Variants in HADHA observed in about 807,000 individuals in gnomAD.
HADHA encodes trifunctional enzyme subunit alpha, mitochondrial.
HADHA carries 59 observed loss-of-function variants against 91.3 expected under a neutral mutation model. The ratio of observed to expected loss-of-function variants is 0.65; its 90% CI spans 0.52 to 0.80. HADHA has a LOEUF of 0.80. HADHA is among the 30% of genes least tolerant of loss of function. The pLI, the probability that HADHA is intolerant of heterozygous loss-of-function variation, is 0.00. For missense variants in HADHA, 800 were observed against 927.6 expected (o/e 0.86, Z 1.79); for synonymous variants, 320 against 338.9 (o/e 0.94, Z 0.61).
intron 7 of HADHA, among the ~76,000 whole-genome samples, chr2:26,223,494 A>G (rs1670420845): frequency 6.6e-6 from 1 of 152,190 alleles, no homozygotes; most frequent in Non-Finnish European, 1.5e-5. Flanking sequence ...GGCAAAGGGA[A>G]TATGAAAAGG....
At chr2:26,201,532 T>C (rs1296076432) in intron 12 of HADHA, among the ~76,000 whole-genome samples, 1 of 152,194 alleles carries the variant, frequency 6.6e-6, no homozygotes, top group African/African-American at 2.4e-5. Context: ...TTCAAAGACA[T>C]GTTAACTCCC....
At chr2:26,240,617 G>T (rs962970611) in intron 1 of HADHA, among the ~76,000 whole-genome samples, 1 of 152,078 alleles carries the variant, frequency 6.6e-6, no homozygotes, top group African/African-American at 2.4e-5. Context: ...AGCAAAAAAA[G>T]GAAATAGAGT....
intron 18 of HADHA, 129 bp from the exon 19 acceptor site, chr2:26,191,757 G>A: frequency 1.1e-6 from 1 of 912,542 alleles, no homozygotes; most frequent in Non-Finnish European, 1.8e-6. Context: ...CTGGCCCTCA[G>A]AGAAGATGCT....
chr2:26,214,681 T>G lies in HADHA; in HGVS notation c.800-120A>C. The G allele has an allele frequency of 1.4e-6, 1 of 705,060 alleles. No homozygotes were observed. The highest frequency in any genetic ancestry group is 2.6e-6 in the Non-Finnish European group (1 of 389,504). The allele number at this position is 705,060 out of a possible 1,614,324, so 43.7% of individuals were successfully genotyped here. A position where few individuals can be genotyped will look rare whatever the true frequency, so the allele number is the denominator to read the frequency against. On this transcript the variant is annotated intron_variant, in intron 8 of 19. Coordinates refer to ENST00000380649, the MANE Select transcript of HADHA (RefSeq NM_000182.5). The surrounding 1 kb of genome is among the most constrained non-coding windows in gnomAD (Gnocchi z 4.1). ...GCTATCTGCAAGAACTGCTCTTTAT[T>G]CTGATACACACAATATAAATTTCAA... is the stretch of plus-strand genomic sequence containing the variant.
chr2:26,213,160 A>G (rs1262507300), intron 9 of HADHA, among the ~76,000 whole-genome samples: 1 of 152,186 alleles, frequency 6.6e-6, no homozygotes, highest in African/African-American at 2.4e-5. Context: ...TGTCTAAACT[A>G]CTGTTGCTTG....
chr2:26,242,000 C>G (rs1670904533), intron 1 of HADHA, among the ~76,000 whole-genome samples: 1 of 151,902 alleles, frequency 6.6e-6, no homozygotes, highest in African/African-American at 2.4e-5. Flanking sequence ...CTCCTGGGTT[C>G]AAGCGATTCT....
Position 26,191,192 on chromosome 2 carries a change from A to C in HADHA, c.*58T>G, listed in dbSNP as rs977074807. On this transcript the variant is annotated 3_prime_UTR_variant, in exon 20 of 20. Transcript: ENST00000380649. Reference sequence around the variant, plus strand: ...AAATCTAGACACCACTCTGTTGGAGAACCAGCACTGCCGGCAGCTGGGGTT... The same window carrying C: ...AAATCTAGACACCACTCTGTTGGAGCACCAGCACTGCCGGCAGCTGGGGTT... 2.4e-4 allele frequency: 378 copies of C among 1,544,516 alleles called. No individual in the cohort carries two copies. The highest frequency in any genetic ancestry group is 3.1e-4 in the Non-Finnish European group (349 of 1,118,426).
rs1445171075 is a variant in HADHA at position 26,191,184 on chromosome 2, T to G, written c.*66A>C. The G allele has an allele frequency of 1.3e-6, 2 of 1,498,748 alleles. No homozygotes were observed. The highest frequency in any genetic ancestry group is 2.8e-5 in the African/African-American group (2 of 72,622). 92.8% of individuals were successfully genotyped at this position (1,498,748 alleles called of 1,614,324 possible). ...ACTCTGATAAATCTAGACACCACTC[T>G]GTTGGAGAACCAGCACTGCCGGCAG... is the stretch of plus-strand genomic sequence containing the variant. On this transcript the variant is annotated 3_prime_UTR_variant, in exon 20 of 20. Coordinates refer to ENST00000380649, the MANE Select transcript of HADHA (RefSeq NM_000182.5).
In HADHA at chr2:26,191,544, G is replaced by A; in HGVS notation, c.2085C>T (p.Ala695=). 6.2e-7 allele frequency: 1 copy of A among 1,614,142 alleles called. No individual in the cohort carries two copies. Among genetic ancestry groups the A allele is most frequent in the Non-Finnish European group, 8.5e-7 (1 of 1,180,008 alleles). The change falls in exon 19 of 20, where the codon GCC becomes GCT. Residue 695 remains alanine, a synonymous_variant. Transcript: ENST00000380649. ...AVMCLQEGIL[A]TPAEGDIGAV... The stretch of plus-strand genomic sequence containing the variant: ...CTCCGATGTCTCCCTCTGCAGGTGT[G>A]GCCAAGATCCCCTCTTGCAGGCACA...
chr2:26,227,410 G>A (rs977575693), intron 7 of HADHA, among the ~76,000 whole-genome samples: 9 of 152,048 alleles, frequency 5.9e-5, no homozygotes, highest in Non-Finnish European at 8.8e-5. Flanking sequence ...TACTTGGGAC[G>A]CTGAGGCAGG....
intron 17 of HADHA, 62 bp downstream of exon 17, chr2:26,193,515 T>C: frequency 7.3e-7 from 1 of 1,364,760 alleles, no homozygotes; most frequent in Non-Finnish European, 1.0e-6. Context: ...CTCTTTGGTC[T>C]CAGGAACTGC....
rs796315759 is a variant in HADHA at position 26,190,807 on chromosome 2, A to C, written c.*443T>G. The C allele has an allele frequency of 1.1e-5, 3 of 273,470 alleles. No homozygotes were observed. The highest frequency in any genetic ancestry group is 2.1e-5 in the Non-Finnish European group (3 of 140,564). 16.9% of individuals were successfully genotyped at this position (273,470 alleles called of 1,614,324 possible). On this transcript the variant is annotated 3_prime_UTR_variant, in exon 20 of 20. Coordinates refer to ENST00000380649, the MANE Select transcript of HADHA (RefSeq NM_000182.5). ...CTGCACACACATTCTTACTCCCCCA[A>C]AGCACAGGGCTTTCTTCCAGATTGC...
chr2:26,233,335 G>A (rs748968775), intron 5 of HADHA, among the ~76,000 whole-genome samples: 13 of 152,200 alleles, frequency 8.5e-5, no homozygotes, highest in Non-Finnish European at 1.8e-4. Context: ...ATAGAAAAAT[G>A]TAGTGTTACA....
chr2:26,217,597 G>C (rs1670270850), intron 7 of HADHA, among the ~76,000 whole-genome samples: 1 of 152,076 alleles, frequency 6.6e-6, no homozygotes, highest in Non-Finnish European at 1.5e-5. Flanking sequence ...ATCATATATA[G>C]AAGTATAAAG....
At chr2:26,242,461 A>C (rs970856484) in intron 1 of HADHA, among the ~76,000 whole-genome samples, 3 of 152,240 alleles carry the variant, frequency 2.0e-5, no homozygotes, top group African/African-American at 4.8e-5. Context: ...TATACAGAAA[A>C]CAGAAAAATT....
chr2:26,199,882 C>A (rs754647900), intron 13 of HADHA, among the ~76,000 whole-genome samples: 1 of 152,130 alleles, frequency 6.6e-6, no homozygotes, highest in Non-Finnish European at 1.5e-5. Flanking sequence ...GTGCCCCAAC[C>A]GAGCTTCCTG....
chr2:26,228,188 T>TG (rs1348688451), intron 7 of HADHA, among the ~76,000 whole-genome samples: 1 of 151,956 alleles, frequency 6.6e-6, no homozygotes, highest in Admixed American at 6.6e-5. Context: ...TGGAGTGCAG[T>TG]GGCACAATCT....
Position 26,202,800 on chromosome 2 carries a change from C to T in HADHA, c.1220+1262G>A, listed in dbSNP as rs144077889. Among the ~76,000 whole-genome samples, 538 of 152,306 alleles carry T rather than the reference C, an allele frequency of 3.5e-3. 1 individual carries two copies. The highest frequency in any genetic ancestry group is 5.7e-3 in the Non-Finnish European group (391 of 68,012). On this transcript the variant is annotated intron_variant, in intron 12 of 19. Transcript: ENST00000380649. ...ATGGGCTCAAAGCTTTTGTTTTTGA[C>T]AATCATGACAGCAGTCAGCAAACAA... is the stretch of plus-strand genomic sequence containing the variant.
At chr2:26,243,330 C>T (rs1389316176) in intron 1 of HADHA, 1 of 152,060 alleles carries the variant, frequency 6.6e-6, no homozygotes, top group Non-Finnish European at 1.5e-5. Flanking sequence ...AAAAAAACCA[C>T]CAAACCTGTA....
Sources: gnomAD v4.1 joint callset for allele counts (sites outside exome capture counted in the v4.1 genomes callset) on GRCh38, gnomAD v4.1.1 for gene constraint, Gnocchi (gnomAD v3.1) non-coding constraint, MANE v1.5 for transcripts, NCBI Gene and HGNC (gene_info 2026-07-23, HGNC 2026-07-21) for gene names.